The following SPIDR variants were observed in gnomAD, a reference collection of about 807,000 sequenced individuals.
The protein encoded by SPIDR is scaffold protein involved in DNA repair, also known as DNA repair-scaffolding protein.
A neutral mutation model predicts 104.6 loss-of-function variants in SPIDR; 93 were observed. The observed-to-expected ratio is 0.89, with a 90% CI of 0.75 to 1.06. The LOEUF is 1.06. Ranked by LOEUF, SPIDR falls within the 50% of genes least tolerant of loss-of-function variation. The probability of loss-of-function intolerance (pLI) is 0.00; values close to 1 mark genes in which losing one functional copy is unlikely to be tolerated. For missense variants in SPIDR, 1,154 were observed against 1,111.2 expected (o/e 1.04, Z -0.55); for synonymous variants, 431 against 416.9 (o/e 1.03, Z -0.41).
At chr8:47,620,857 A>G (rs2065053523) in intron 10 of SPIDR, among the ~76,000 whole-genome samples, 1 of 147,984 alleles carries the variant, frequency 6.8e-6, no homozygotes, top group South Asian at 2.2e-4. Context: ...ACCCCAGGCG[A>G]TCCACCCACC....
chr8:47,653,868 AAC>A (rs2072165078), intron 10 of SPIDR: 4 of 665,944 alleles, frequency 6.0e-6, no homozygotes, highest in Non-Finnish European at 5.6e-6. Context: ...ACAAAAAAAA[AAC>A]AAACCACTTT....
intron 5 of SPIDR, among the ~76,000 whole-genome samples, chr8:47,336,971 G>A (rs1355802957): frequency 3.9e-5 from 6 of 152,170 alleles, no homozygotes; most frequent in Non-Finnish European, 8.8e-5. Context: ...CATTCTAAGT[G>A]GGTGTGGAAT....
At chr8:47,624,358 C>T (rs1217249274) in intron 10 of SPIDR, among the ~76,000 whole-genome samples, 1 of 152,106 alleles carries the variant, frequency 6.6e-6, no homozygotes, top group Admixed American at 6.5e-5. Context: ...CATTCAAAAG[C>T]TAGCAGAAGG....
chr8:47,682,755 A>C (rs1457051193), intron 11 of SPIDR, among the ~76,000 whole-genome samples: 2 of 152,204 alleles, frequency 1.3e-5, no homozygotes, highest in Non-Finnish European at 2.9e-5. Context: ...CTCAAAAAGG[A>C]GGAAATGCCA....
At chr8:47,323,088 T>TA (rs59080894) in intron 5 of SPIDR, among the ~76,000 whole-genome samples, 1 of 145,070 alleles carries the variant, frequency 6.9e-6, no homozygotes, top group Non-Finnish European at 1.5e-5. Context: ...TAAAGTATAA[T>TA]AAAAAAAGAA....
intron 8 of SPIDR, among the ~76,000 whole-genome samples, chr8:47,550,435 A>G (rs1286982123): frequency 6.6e-6 from 1 of 151,980 alleles, no homozygotes; most frequent in African/African-American, 2.4e-5. Flanking sequence ...GTCCTCTTTT[A>G]TTTCATTGAG....
At chr8:47,352,721 A>G (rs1554623246) in intron 5 of SPIDR, among the ~76,000 whole-genome samples, 2 of 152,152 alleles carry the variant, frequency 1.3e-5, no homozygotes, top group Non-Finnish European at 2.9e-5. Context: ...CGCAAAATTT[A>G]AAGTAGGGGA....
intron 8 of SPIDR, among the ~76,000 whole-genome samples, chr8:47,456,627 A>G (rs1703050890): frequency 6.6e-6 from 1 of 152,114 alleles, no homozygotes; most frequent in Non-Finnish European, 1.5e-5. Flanking sequence ...ATTTATTTCC[A>G]TAGGTTTTTG....
At chr8:47,337,259 C>T (rs1554610219) in intron 5 of SPIDR, among the ~76,000 whole-genome samples, 3 of 152,042 alleles carry the variant, frequency 2.0e-5, no homozygotes, top group African/African-American at 7.2e-5. Flanking sequence ...TCCTGAGTAA[C>T]TGGGACTACA....
chr8:47,477,644 A>T (rs1586375511), intron 8 of SPIDR, among the ~76,000 whole-genome samples: 1 of 152,264 alleles, frequency 6.6e-6, no homozygotes, highest in African/African-American at 2.4e-5. Flanking sequence ...GCTACTGCTC[A>T]ATAAATGATG....
chr8:47,622,339 T>C (rs1255335604), intron 10 of SPIDR, among the ~76,000 whole-genome samples: 1 of 152,154 alleles, frequency 6.6e-6, no homozygotes, highest in African/African-American at 2.4e-5. Flanking sequence ...AGACTTGAAG[T>C]CAGAGACCCA....
intron 5 of SPIDR, among the ~76,000 whole-genome samples, chr8:47,298,058 G>A (rs1476922985): frequency 2.0e-5 from 3 of 152,136 alleles, no homozygotes; most frequent in Non-Finnish European, 4.4e-5. Flanking sequence ...GGTTGAACTA[G>A]TTTACACTCC....
intron 5 of SPIDR, among the ~76,000 whole-genome samples, chr8:47,313,214 C>G (rs587693509): frequency 1.7e-4 from 26 of 152,300 alleles, no homozygotes; most frequent in African/African-American, 6.0e-4. Context: ...TCAGCAAAGT[C>G]TCAGGATACA....
intron 8 of SPIDR, among the ~76,000 whole-genome samples, chr8:47,501,924 C>G (rs2080527016): frequency 1.3e-5 from 2 of 152,158 alleles, no homozygotes; most frequent in South Asian, 4.2e-4. Flanking sequence ...GTCATTGGTT[C>G]TGTTTATATG....
At chr8:47,506,063 T>G (rs116941675) in intron 8 of SPIDR, among the ~76,000 whole-genome samples, 97 of 152,332 alleles carry the variant, frequency 6.4e-4, no homozygotes, top group Admixed American at 2.7e-3. Flanking sequence ...CTCAAACCAT[T>G]TCTGCATGTA....
At chr8:47,560,127 C>T (rs2056878329) in intron 8 of SPIDR, among the ~76,000 whole-genome samples, 1 of 152,146 alleles carries the variant, frequency 6.6e-6, no homozygotes, top group Non-Finnish European at 1.5e-5. Flanking sequence ...TCATCATTTT[C>T]CCTGATATTA....
intron 10 of SPIDR, among the ~76,000 whole-genome samples, chr8:47,647,107 T>C (rs1038433965): frequency 2.0e-5 from 3 of 152,228 alleles, no homozygotes; most frequent in African/African-American, 4.8e-5. Flanking sequence ...CAGCTTGATA[T>C]AATGTTAAGC....
At chr8:47,479,242 C>G (rs1441420968) in intron 8 of SPIDR, among the ~76,000 whole-genome samples, 1 of 151,616 alleles carries the variant, frequency 6.6e-6, no homozygotes, top group Non-Finnish European at 1.5e-5. Context: ...GCCTGTAATC[C>G]CAGCTACTCA....
intron 5 of SPIDR, among the ~76,000 whole-genome samples, chr8:47,322,523 A>T (rs1356010713): frequency 1.3e-5 from 2 of 152,228 alleles, no homozygotes; most frequent in African/African-American, 4.8e-5. Context: ...TGTGGAAGTC[A>T]GTGTGGCGAT....
Sources: gnomAD v4.1 joint callset for allele counts (sites outside exome capture counted in the v4.1 genomes callset) on GRCh38, gnomAD v4.1.1 for gene constraint, MANE v1.5 for transcripts, NCBI Gene and HGNC (gene_info 2026-07-23, HGNC 2026-07-21) for gene names.